PPIP5K2: variants seen among roughly 807,000 people sequenced by gnomAD.
PPIP5K2 encodes diphosphoinositol pentakisphosphate kinase 2, also known as inositol hexakisphosphate and diphosphoinositol-pentakisphosphate kinase 2.
A neutral mutation model predicts 154.6 loss-of-function variants in PPIP5K2; 105 were observed. The ratio of observed to expected loss-of-function variants is 0.68; its 90% confidence interval spans 0.58 to 0.80. PPIP5K2 has a LOEUF of 0.80. Among genes scored for constraint, PPIP5K2 ranks in the 30% least tolerant of loss-of-function variants. PPIP5K2 has a pLI of 0.00. For missense variants in PPIP5K2, 992 were observed against 1,504.6 expected, an observed-to-expected ratio of 0.66 and a Z score of 5.64; for synonymous variants, 480 against 490.3, an observed-to-expected ratio of 0.98 and a Z score of 0.28.
At chr5:103,160,926 CTG>C (rs1302143654) in intron 17 of PPIP5K2, among the ~76,000 whole-genome samples, 2 of 148,460 alleles carry the variant, frequency 1.3e-5, no homozygotes, top group East Asian at 3.9e-4. Context: ...TAATGTCAAA[CTG>C]TTTTTTTTTT....
intron 21 of PPIP5K2, chr5:103,177,055 G>T (rs782305057): frequency 2.1e-4 from 113 of 525,908 alleles, no homozygotes; most frequent in Admixed American, 4.2e-4. Context: ...TTATAGGATA[G>T]TATTCTGTGG....
intron 1 of PPIP5K2, among the ~76,000 whole-genome samples, chr5:103,126,100 T>G (rs1789628704): frequency 6.6e-6 from 1 of 152,200 alleles, no homozygotes; most frequent in Non-Finnish European, 1.5e-5. Flanking sequence ...GTTTCTTACC[T>G]GGAATGTTCA....
At chr5:103,146,707 A>C (rs983086738) in intron 6 of PPIP5K2, 26 bp downstream of exon 6, 2 of 1,569,320 alleles carry the variant, frequency 1.3e-6, no homozygotes, top group Non-Finnish European at 1.7e-6. Flanking sequence ...CTTTTGTATG[A>C]ATACTCTTCT....
chr5:103,168,990 A>T (rs1275866107), intron 19 of PPIP5K2, among the ~76,000 whole-genome samples: 2 of 151,776 alleles, frequency 1.3e-5, no homozygotes, highest in African/African-American at 4.8e-5. Flanking sequence ...CTTATATAAA[A>T]TTTTTTGCAA....
Position 103,203,829 on chromosome 5 carries a change from T to C in PPIP5K2, c.*2195T>C, listed in dbSNP as rs1580526933. ...GCAGATTCTGCTGCCCTGGTTTAAATGAGTTACGTAGTCCATTCTCAAATA... is the reference window on the plus strand; with the variant it reads ...GCAGATTCTGCTGCCCTGGTTTAAACGAGTTACGTAGTCCATTCTCAAATA... On this transcript the variant is annotated 3_prime_UTR_variant, in exon 31 of 31. Coordinates refer to ENST00000358359, the MANE Select transcript of PPIP5K2 (RefSeq NM_001276277.3). 6.6e-6 allele frequency: 1 copy of C among 152,300 alleles called. No homozygotes were observed. The highest frequency in any genetic ancestry group is 3.4e-3 in the Middle Eastern group (1 of 294). The allele number at this position is 152,300 out of a possible 1,614,324, so 9.4% of individuals were successfully genotyped here. A position where few individuals can be genotyped will look rare whatever the true frequency, so the allele number is the denominator to read the frequency against.
intron 29 of PPIP5K2, 36 bp downstream of exon 29, chr5:103,191,018 G>A: frequency 6.3e-7 from 1 of 1,587,704 alleles, no homozygotes; most frequent in East Asian, 2.2e-5. Context: ...TTATTTAGTT[G>A]CTGGGCAACT....
chr5:103,164,432 A>G (rs1484712625), intron 17 of PPIP5K2, among the ~76,000 whole-genome samples: 1 of 152,056 alleles, frequency 6.6e-6, no homozygotes, highest in African/African-American at 2.4e-5. Context: ...TCTCGAAATT[A>G]ATAACACCAG....
At chr5:103,142,709 G>C (rs1364869912) in intron 5 of PPIP5K2, among the ~76,000 whole-genome samples, 3 of 151,070 alleles carry the variant, frequency 2.0e-5, no homozygotes, top group African/African-American at 7.3e-5. Flanking sequence ...CCAGGAGGCG[G>C]AGCTTGCAGT....
Position 103,136,750 on chromosome 5 carries a change from C to T in PPIP5K2, c.329C>T (p.Ala110Val), listed in dbSNP as rs1791573158. 4 of 1,612,658 alleles carry T rather than the reference C, an allele frequency of 2.5e-6. No homozygotes were observed. Among genetic ancestry groups the T allele is most frequent in the East Asian group, 2.2e-5 (1 of 44,818 alleles). The change falls in exon 4 of 31, where the codon GCG (alanine) becomes GTG (valine). Residue 110 changes from alanine to valine, a missense_variant. Ala to Val is a moderately conservative substitution (Grantham distance 64). This residue lies in a region of PPIP5K2 where 153 missense variants were observed against 200.4 expected (regional missense o/e 0.76). Coordinates refer to ENST00000358359, the MANE Select transcript of PPIP5K2 (RefSeq NM_001276277.3). ...FHSKGFPLDK[A>V]VAYAKLRNPF... ...TTCTTAGGATTTCCACTGGACAAAG[C>T]GGTTGCCTATGCAAAACTCAGGAAT...
chr5:103,141,543 G>A (rs1792659164), intron 5 of PPIP5K2, among the ~76,000 whole-genome samples: 2 of 152,160 alleles, frequency 1.3e-5, no homozygotes, highest in Admixed American at 6.5e-5. Context: ...GAGCCGAGTG[G>A]CCTGTTTTGT....
In PPIP5K2 at chr5:103,167,028, G is replaced by A. The variant is rs1346943051; in HGVS notation, c.1921-151G>A. The A allele has an allele frequency of 6.0e-6, 3 of 502,398 alleles. No individual in the cohort carries two copies. In the African/African-American group the frequency reaches 6.0e-5, roughly 10 times the overall value. 31.1% of individuals were successfully genotyped at this position (502,398 alleles called of 1,614,324 possible). On this transcript the variant is annotated intron_variant, in intron 17 of 30. Transcript: ENST00000358359. ...ATGTGGTCCTTTGCAGTTCAAACCT[G>A]TGGTGTTCAAGGGTCAACTGTATTT...
chr5:103,167,834 C>T (rs143159390), intron 18 of PPIP5K2, among the ~76,000 whole-genome samples: 1 of 151,810 alleles, frequency 6.6e-6, no homozygotes, highest in African/African-American at 2.4e-5. Flanking sequence ...AAAATTGTTG[C>T]TCTTTTTCTT....
intron 24 of PPIP5K2, among the ~76,000 whole-genome samples, chr5:103,181,123 G>A (rs1799469620): frequency 6.6e-6 from 1 of 152,062 alleles, no homozygotes; most frequent in African/African-American, 2.4e-5. Flanking sequence ...TTAGAATGAA[G>A]CTTGTTAAAT....
chr5:103,174,847 G>A (rs1798463048), intron 21 of PPIP5K2, among the ~76,000 whole-genome samples: 1 of 152,012 alleles, frequency 6.6e-6, no homozygotes, highest in African/African-American at 2.4e-5. Context: ...GTGTATGTCA[G>A]CCATCTTTGG....
chr5:103,201,664 C>A lies in PPIP5K2; in HGVS notation c.*30C>A. On this transcript the variant is annotated 3_prime_UTR_variant, in exon 31 of 31. Coordinates refer to ENST00000358359, the MANE Select transcript of PPIP5K2 (RefSeq NM_001276277.3). Reference sequence around the variant, plus strand: ...TTAGCAGAAGCTGGAACTTTTTATACTTATAAAAATAGTATGTTCTTATGT... The same window carrying A: ...TTAGCAGAAGCTGGAACTTTTTATAATTATAAAAATAGTATGTTCTTATGT... 4 of 1,413,842 alleles carry A rather than the reference C, an allele frequency of 2.8e-6. No individual in the cohort carries two copies. The highest frequency in any genetic ancestry group is 3.9e-6 in the Non-Finnish European group (4 of 1,016,222). The allele number at this position is 1,413,842 out of a possible 1,614,324, so 87.6% of individuals were successfully genotyped here.
At chr5:103,190,636 A>T (rs1470903245) in intron 28 of PPIP5K2, among the ~76,000 whole-genome samples, 1 of 151,964 alleles carries the variant, frequency 6.6e-6, no homozygotes, top group East Asian at 1.9e-4. Context: ...ACGTGATTAC[A>T]TTTAAAAAGA....
At chr5:103,184,090 AAACTTAAAATATATATGAT>A (rs1799985057) in intron 25 of PPIP5K2, among the ~76,000 whole-genome samples, 1 of 152,182 alleles carries the variant, frequency 6.6e-6, no homozygotes, top group Non-Finnish European at 1.5e-5. Context: ...TGACATTTGG[AAACTTAAAATATATATGAT>A]TTCTATTACA....
chr5:103,168,126 A>T lies in PPIP5K2; in HGVS notation c.2117A>T (p.Lys706Met). ...TLELMLRRWSKLEKDFKTKNG... is the reference protein window; with the variant it reads ...TLELMLRRWSMLEKDFKTKNG... ...GAGCTTATGCTACGTAGATGGTCCA[A>T]GTTAGAGAAAGACTTTAAAACAAAG... Residue 706 changes from lysine (K) to methionine (M), a missense_variant, in exon 19 of 31, where the codon AAG becomes ATG. By Grantham distance (95) the Lys-to-Met change is moderately conservative. Transcript: ENST00000358359. 6.2e-7 allele frequency: 1 copy of T among 1,610,554 alleles called. No homozygotes were observed. Among genetic ancestry groups the T allele is most frequent in the South Asian group, 1.1e-5 (1 of 90,984 alleles).
rs782773292 is a variant in PPIP5K2, at chr5:103,173,924, T to C, written c.2481T>C (p.Ser827=). ...VRTRLYFTSE[S]HVHSLLSILR... is the part of the protein sequence containing the mutation. ...CTAGATTATATTTTACCAGTGAAAG[T>C]CATGTACATTCTTTGCTGTCTATTC... Residue 827 remains serine (S), a synonymous_variant, in exon 21 of 31, where the codon AGT becomes AGC. Transcript: ENST00000358359. 1 of 1,609,506 alleles carries C rather than the reference T, an allele frequency of 6.2e-7. No homozygotes were observed. Among genetic ancestry groups the C allele is most frequent in the East Asian group, 2.2e-5 (1 of 44,710 alleles).
Sources: gnomAD v4.1 joint callset for allele counts (sites outside exome capture counted in the v4.1 genomes callset) on GRCh38, gnomAD v4.1.1 for gene constraint, gnomAD v4.1.1 regional missense constraint, MANE v1.5 for transcripts, NCBI Gene and HGNC (gene_info 2026-07-23, HGNC 2026-07-21) for gene names.